INTS12: variants seen among roughly 807,000 people sequenced by gnomAD.
The protein encoded by INTS12 is integrator complex subunit 12, also known as PHD finger protein 22.
INTS12 carries 13 observed loss-of-function variants against 41.6 expected under a neutral mutation model. The observed-to-expected ratio is 0.31, with a 90% CI of 0.20 to 0.50. The LOEUF (loss-of-function observed/expected upper bound fraction) is 0.50, where lower values mean the gene tolerates loss of function less well. INTS12 is among the 20% of genes least tolerant of loss of function. The pLI, the probability that INTS12 is intolerant of heterozygous loss-of-function variation, is 0.98. For synonymous variants in INTS12, 199 were observed against 191.4 expected (o/e 1.04, Z -0.33); for missense variants, 432 against 541.6 (o/e 0.80, Z 2.01).
At chr4:105,685,056 T>G (rs1180070022) in intron 7 of INTS12, among the ~76,000 whole-genome samples, 1 of 152,166 alleles carries the variant, frequency 6.6e-6, no homozygotes, top group African/African-American at 2.4e-5. Context: ...TTTCTTACTA[T>G]TTCAGTGTAG....
At chr4:105,688,648 C>T (rs1731575364) in intron 6 of INTS12, among the ~76,000 whole-genome samples, 1 of 152,198 alleles carries the variant, frequency 6.6e-6, no homozygotes, top group Non-Finnish European at 1.5e-5. Context: ...AAAACAGAAA[C>T]ATATGGCTCC....
chr4:105,693,589 T>C, intron 4 of INTS12, 103 bp from the exon 5 acceptor site: 3 of 865,310 alleles, frequency 3.5e-6, no homozygotes, highest in Non-Finnish European at 5.5e-6. Context: ...AACAAGTCCA[T>C]TTTACAGATA....
intron 6 of INTS12, among the ~76,000 whole-genome samples, chr4:105,688,452 T>C (rs1046408574): frequency 2.0e-5 from 3 of 152,230 alleles, no homozygotes; most frequent in Non-Finnish European, 4.4e-5. Context: ...CTTTTTATAC[T>C]ACATACCTTC....
At chr4:105,687,090 C>A (rs566374037) in intron 6 of INTS12, 24 of 427,528 alleles carry the variant, frequency 5.6e-5, no homozygotes, top group African/African-American at 4.8e-4. Flanking sequence ...TAGTTAAATA[C>A]CATTTTAACA....
chr4:105,691,868 T>G, intron 6 of INTS12, 108 bp downstream of exon 6: 13 of 763,646 alleles, frequency 1.7e-5, no homozygotes, highest in Non-Finnish European at 2.2e-5. Flanking sequence ...AATCAGCTTA[T>G]ATTATTTATT....
chr4:105,703,500 T>C (rs894425329), intron 2 of INTS12, 148 bp downstream of exon 2: 7 of 152,190 alleles, frequency 4.6e-5, no homozygotes, highest in African/African-American at 1.7e-4. Context: ...CAGCTCACAT[T>C]CTGTGGTCCA....
chr4:105,705,083 C>G (rs1399466442), intron 1 of INTS12, among the ~76,000 whole-genome samples: 1 of 152,194 alleles, frequency 6.6e-6, no homozygotes, highest in Non-Finnish European at 1.5e-5. Context: ...CATCAGGGGT[C>G]CCTAACCTTC....
At position 105,686,389 on chromosome 4, in the gene INTS12, T is replaced by C. The variant is rs142027677; in HGVS notation, c.804+303A>G. ...TAGGTGTGAGTCATGGCACCTCGCC[T>C]GAATTTAAACCAGATTTCTGATTGA... On this transcript the variant is annotated intron_variant, in intron 7 of 7. Coordinates refer to ENST00000340139, the MANE Select transcript of INTS12 (RefSeq NM_020395.4). Among the ~76,000 whole-genome samples the C allele has an allele frequency of 7.3e-4, 111 of 152,246 alleles. 2 individuals carry two copies. In the East Asian group the frequency reaches 0.018, roughly 25 times the overall value.
chr4:105,701,686 T>C (rs2149190560), intron 2 of INTS12, among the ~76,000 whole-genome samples: 1 of 152,338 alleles, frequency 6.6e-6, no homozygotes, highest in South Asian at 2.1e-4. Context: ...ATCTTTCTAC[T>C]GATTTTATTT....
chr4:105,686,012 G>T (rs543199367), intron 7 of INTS12, among the ~76,000 whole-genome samples: 14 of 152,260 alleles, frequency 9.2e-5, no homozygotes, highest in African/African-American at 3.1e-4. Flanking sequence ...AGTAGTGTGG[G>T]GAGCAAAATT....
chr4:105,704,536 T>TTATTGCCCTAGACAATTTGA (rs1732197482), intron 1 of INTS12, among the ~76,000 whole-genome samples: 1 of 152,262 alleles, frequency 6.6e-6, no homozygotes, highest in Non-Finnish European at 1.5e-5. Context: ...AGTTTGGGAA[T>TTATTGCCCTAGACAATTTGA]TATTGCCCTA....
chr4:105,698,122 T>C (rs1218567466), intron 3 of INTS12, among the ~76,000 whole-genome samples: 2 of 152,224 alleles, frequency 1.3e-5, no homozygotes, highest in African/African-American at 4.8e-5. Context: ...TCATGCAGTA[T>C]TAAACTATTA....
chr4:105,682,818 G>T lies in INTS12; in HGVS notation c.1304C>A (p.Pro435Gln). The T allele has an allele frequency of 6.2e-7, 1 of 1,614,044 alleles. No homozygotes were observed. The highest frequency in any genetic ancestry group is 8.5e-7 in the Non-Finnish European group (1 of 1,179,952). Residue 435 changes from proline to glutamine, a missense_variant, in exon 8 of 8, where the codon CCA becomes CAA. Physicochemically the swap from Pro to Gln is moderately conservative, Grantham distance 76. Coordinates refer to ENST00000340139, the MANE Select transcript of INTS12 (RefSeq NM_020395.4). ...ATTGAGCTGTGATTCTTGTGAAGTT[G>T]GGCCTTTAAGGGATGCTGAGGGAGA... is the stretch of plus-strand genomic sequence containing the variant. ...SSSPSASLKGPTSQESQLNAM... is the reference protein window; with the variant it reads ...SSSPSASLKGQTSQESQLNAM...
rs1578376357 is a variant in INTS12, at chr4:105,682,844, G to A, written c.1278C>T (p.Ser426=). The change falls in exon 8 of 8, where the codon AGC becomes AGT. Residue 426 remains serine, a synonymous_variant. Coordinates refer to ENST00000340139, the MANE Select transcript of INTS12 (RefSeq NM_020395.4). ...GGCCTTTAAGGGATGCTGAGGGAGA[G>A]CTGCTGGATTCTGAAGTAGTTTTGC... ...TTSKTTSESS[S]SPSASLKGPT... 1 of 1,614,108 alleles carries A rather than the reference G, an allele frequency of 6.2e-7. No homozygotes were observed. The highest frequency in any genetic ancestry group is 8.5e-7 in the Non-Finnish European group (1 of 1,179,948).
intron 6 of INTS12, among the ~76,000 whole-genome samples, chr4:105,687,465 T>C (rs567417784): frequency 6.6e-6 from 1 of 152,304 alleles, no homozygotes; most frequent in South Asian, 2.1e-4. Context: ...TTCAGTTTTA[T>C]TTTGACCAAT....
At chr4:105,696,021 T>G (rs1374799932) in intron 3 of INTS12, among the ~76,000 whole-genome samples, 1 of 152,042 alleles carries the variant, frequency 6.6e-6, no homozygotes, top group Non-Finnish European at 1.5e-5. Flanking sequence ...CCGGCTGATT[T>G]TTGTAGTTTC....
intron 1 of INTS12, among the ~76,000 whole-genome samples, chr4:105,706,653 G>A (rs879411965): frequency 3.3e-5 from 5 of 152,050 alleles, no homozygotes; most frequent in Admixed American, 1.3e-4. Context: ...TTATCTTCCC[G>A]AAAAGTTCCT....
chr4:105,700,815 G>A (rs1732045278), intron 2 of INTS12, among the ~76,000 whole-genome samples: 1 of 150,782 alleles, frequency 6.6e-6, no homozygotes, highest in South Asian at 2.1e-4. Context: ...TACATCAAAG[G>A]CTTATGAAAT....
chr4:105,687,527 T>A (rs1042956042), intron 6 of INTS12, among the ~76,000 whole-genome samples: 1 of 152,252 alleles, frequency 6.6e-6, no homozygotes, highest in Non-Finnish European at 1.5e-5. Context: ...AATTTTCCTA[T>A]AAACTCTAAT....
Sources: allele counts gnomAD v4.1 joint callset (sites outside exome capture counted in the v4.1 genomes callset), GRCh38; gene constraint gnomAD v4.1.1; transcripts MANE v1.5; gene names NCBI Gene and HGNC (gene_info 2026-07-23, HGNC 2026-07-21).